VEPH1: variants seen among roughly 807,000 people sequenced by gnomAD.
The protein encoded by VEPH1 is ventricular zone expressed PH domain containing 1, also known as ventricular zone-expressed PH domain-containing protein homolog 1.
A neutral mutation model predicts 85.2 loss-of-function variants in VEPH1; 80 were observed. That is an observed-to-expected ratio of 0.94 (90% CI 0.78 to 1.13). VEPH1 has a LOEUF of 1.13. VEPH1 is among the 50% of genes most tolerant of loss of function. VEPH1 has a pLI of 0.00. For synonymous variants in VEPH1, 297 were observed against 348.0 expected (o/e 0.85, Z 1.63); for missense variants, 955 against 980.5 (o/e 0.97, Z 0.35).
intron 11 of VEPH1, among the ~76,000 whole-genome samples, chr3:157,311,334 C>T (rs1720085927): frequency 6.6e-6 from 1 of 152,162 alleles, no homozygotes; most frequent in Admixed American, 6.5e-5. Flanking sequence ...GAAACTCCGT[C>T]ACTGCAGCCG....
At chr3:157,283,029 G>A (rs1716340882) in intron 12 of VEPH1, among the ~76,000 whole-genome samples, 1 of 152,226 alleles carries the variant, frequency 6.6e-6, no homozygotes, top group African/African-American at 2.4e-5. Context: ...ATCATTTCCT[G>A]CAAGTAATAA....
intron 6 of VEPH1, among the ~76,000 whole-genome samples, chr3:157,408,811 G>A (rs987606292): frequency 2.6e-5 from 4 of 152,100 alleles, no homozygotes; most frequent in East Asian, 1.9e-4. Flanking sequence ...ACGTATGTCA[G>A]AGTAAAGGGT....
intron 11 of VEPH1, among the ~76,000 whole-genome samples, chr3:157,308,452 G>C (rs928533425): frequency 1.3e-5 from 2 of 151,840 alleles, no homozygotes; most frequent in Admixed American, 1.3e-4. Context: ...GTATATATTT[G>C]AGTTGGTTTC....
intron 6 of VEPH1, among the ~76,000 whole-genome samples, chr3:157,390,470 T>C (rs1729752694): frequency 1.3e-5 from 2 of 152,188 alleles, no homozygotes; most frequent in African/African-American, 4.8e-5. Flanking sequence ...ATTTTTGGAG[T>C]TGGTTATGAA....
intron 4 of VEPH1, among the ~76,000 whole-genome samples, chr3:157,443,792 A>G (rs1734331060): frequency 6.6e-6 from 1 of 152,214 alleles, no homozygotes; most frequent in African/African-American, 2.4e-5. Flanking sequence ...TGCCAAGTCA[A>G]TTCATCTCTG....
At chr3:157,350,263 GGA>G (rs1387825732) in intron 9 of VEPH1, among the ~76,000 whole-genome samples, 2 of 152,076 alleles carry the variant, frequency 1.3e-5, no homozygotes, top group Admixed American at 6.6e-5. Flanking sequence ...AAAACTCATT[GGA>G]AAAAGGATAG....
intron 4 of VEPH1, among the ~76,000 whole-genome samples, chr3:157,447,664 G>A (rs545250794): frequency 4.2e-4 from 63 of 148,966 alleles, no homozygotes; most frequent in African/African-American, 9.2e-4. Context: ...GCATGATCTC[G>A]GCTCACTGCA....
At chr3:157,287,622 T>C (rs1716947537) in intron 11 of VEPH1, among the ~76,000 whole-genome samples, 1 of 152,150 alleles carries the variant, frequency 6.6e-6, no homozygotes, top group African/African-American at 2.4e-5. Flanking sequence ...TGGAGTGCAG[T>C]GGTGTGATCT....
chr3:157,332,213 A>G (rs1369949710), intron 9 of VEPH1, among the ~76,000 whole-genome samples: 1 of 152,206 alleles, frequency 6.6e-6, no homozygotes, highest in African/African-American at 2.4e-5. Flanking sequence ...TATATTTAAA[A>G]CAAATTCTTA....
intron 11 of VEPH1, among the ~76,000 whole-genome samples, chr3:157,310,008 G>T (rs1719928980): frequency 6.6e-6 from 1 of 152,172 alleles, no homozygotes; most frequent in Non-Finnish European, 1.5e-5. Flanking sequence ...TTGAACTCCT[G>T]ACCTCAGGTG....
At chr3:157,482,169 T>C (rs928236555) in intron 2 of VEPH1, among the ~76,000 whole-genome samples, 1 of 152,154 alleles carries the variant, frequency 6.6e-6, no homozygotes, top group African/African-American at 2.4e-5. Flanking sequence ...TTTTTGGTTA[T>C]ATATGAATTT....
intron 6 of VEPH1, chr3:157,409,709 C>G: frequency 1.0e-6 from 1 of 985,400 alleles, no homozygotes; most frequent in Non-Finnish European, 1.2e-6. Context: ...ATTTGAAAGA[C>G]AGGCACACCC....
intron 9 of VEPH1, among the ~76,000 whole-genome samples, chr3:157,356,940 GATA>G (rs1178597881): frequency 2.0e-5 from 3 of 152,110 alleles, no homozygotes; most frequent in Admixed American, 2.0e-4. Context: ...ATGGATGACT[GATA>G]ATAATCTCTG....
chr3:157,333,842 G>A (rs577083950), intron 9 of VEPH1, among the ~76,000 whole-genome samples: 5 of 152,172 alleles, frequency 3.3e-5, no homozygotes, highest in Admixed American at 1.3e-4. Context: ...AAATGGGTCC[G>A]TTTACATTTT....
At chr3:157,326,303 C>G (rs1721899241) in intron 9 of VEPH1, among the ~76,000 whole-genome samples, 1 of 152,158 alleles carries the variant, frequency 6.6e-6, no homozygotes, top group African/African-American at 2.4e-5. Flanking sequence ...TAGCCTTTGC[C>G]TGAATCCAGT....
intron 2 of VEPH1, among the ~76,000 whole-genome samples, chr3:157,475,047 A>T (rs1737329790): frequency 6.6e-6 from 1 of 151,720 alleles, no homozygotes; most frequent in Admixed American, 6.6e-5. Flanking sequence ...CAGTGGTGCC[A>T]TGGCTCAATG....
intron 4 of VEPH1, among the ~76,000 whole-genome samples, chr3:157,435,448 A>G (rs1023356426): frequency 6.6e-6 from 1 of 152,232 alleles, no homozygotes; most frequent in African/African-American, 2.4e-5. Flanking sequence ...AAAGAGAGAC[A>G]TGATTGCTTC....
Position 157,470,553 on chromosome 3 carries a change from G to A in VEPH1, c.139-24C>T, listed in dbSNP as rs375783788. The A allele has an allele frequency of 1.9e-6, 3 of 1,603,742 alleles. No homozygotes were observed. In the South Asian group the frequency reaches 3.3e-5, roughly 18 times the overall value. On this transcript the variant is annotated intron_variant, in intron 2 of 13. Transcript: ENST00000362010. ...TCCTGTTTGGAAAGAAAATCTTCAT[G>A]TTAAATAATACTCTAGAAAGTTATC...
chr3:157,463,919 C>T (rs1736122065), intron 3 of VEPH1, among the ~76,000 whole-genome samples: 1 of 152,172 alleles, frequency 6.6e-6, no homozygotes, highest in Non-Finnish European at 1.5e-5. Context: ...ATTAAAAGAA[C>T]ACTCCTGCCC....
Sources: allele counts gnomAD v4.1 joint callset (sites outside exome capture counted in the v4.1 genomes callset), GRCh38; gene constraint gnomAD v4.1.1; transcripts MANE v1.5; gene names NCBI Gene and HGNC (gene_info 2026-07-23, HGNC 2026-07-21).